NOL4L: variants seen among roughly 807,000 people sequenced by gnomAD.
NOL4L encodes the protein nucleolar protein 4 like.
NOL4L carries 7 observed loss-of-function variants against 64.5 expected under a neutral mutation model. The ratio of observed to expected loss-of-function variants is 0.11; its 90% confidence interval spans 0.06 to 0.20. The LOEUF is 0.20. Among genes scored for constraint, NOL4L ranks in the 10% least tolerant of loss-of-function variants. The pLI is 1.00. For missense variants in NOL4L, 680 were observed against 967.1 expected (o/e 0.70, Z 3.94); for synonymous variants, 413 against 401.0 (o/e 1.03, Z -0.36).
intron 5 of NOL4L, among the ~76,000 whole-genome samples, chr20:32,469,333 A>G (rs927881683): frequency 2.6e-5 from 4 of 151,116 alleles, no homozygotes; most frequent in Non-Finnish European, 5.9e-5. Flanking sequence ...ATTATTTTTC[A>G]TTTTCTTTTT....
chr20:32,467,958 G>T (rs946100747), intron 5 of NOL4L, among the ~76,000 whole-genome samples: 1 of 152,166 alleles, frequency 6.6e-6, no homozygotes, highest in African/African-American at 2.4e-5. Flanking sequence ...CCAGAGACCC[G>T]CCCTGCTGCC....
chr20:32,529,040 CA>C (rs2018248147), intron 1 of NOL4L, among the ~76,000 whole-genome samples: 1 of 152,240 alleles, frequency 6.6e-6, no homozygotes, highest in Non-Finnish European at 1.5e-5. Flanking sequence ...CCAGCACTTA[CA>C]ACAGTGCCTG....
At chr20:32,490,520 C>G (rs1395557907) in intron 4 of NOL4L, among the ~76,000 whole-genome samples, 1 of 152,140 alleles carries the variant, frequency 6.6e-6, no homozygotes, top group Non-Finnish European at 1.5e-5. Context: ...TGGGCTGGGC[C>G]ATAGCGCTGA....
intron 1 of NOL4L, among the ~76,000 whole-genome samples, chr20:32,546,391 C>T (rs549106126): frequency 2.6e-5 from 4 of 152,172 alleles, no homozygotes; most frequent in East Asian, 3.9e-4. Flanking sequence ...TCATGCACCA[C>T]GACGCCCAGC....
chr20:32,538,434 C>T (rs1483380606), intron 1 of NOL4L, among the ~76,000 whole-genome samples: 3 of 151,910 alleles, frequency 2.0e-5, no homozygotes, highest in African/African-American at 7.2e-5. Context: ...CCCACTGCCC[C>T]GGCCATGACC....
chr20:32,482,356 G>A (rs1038615737), intron 4 of NOL4L, among the ~76,000 whole-genome samples: 1 of 152,156 alleles, frequency 6.6e-6, no homozygotes, highest in Non-Finnish European at 1.5e-5. Flanking sequence ...ATGCTAATTA[G>A]CGAGGCTTAA....
At chr20:32,515,464 G>A (rs1333751546) in intron 3 of NOL4L, among the ~76,000 whole-genome samples, 6 of 152,158 alleles carry the variant, frequency 3.9e-5, no homozygotes, top group African/African-American at 7.2e-5. Context: ...AGGGTGAGGA[G>A]AAAAGCAGGC....
intron 1 of NOL4L, among the ~76,000 whole-genome samples, chr20:32,549,569 A>G (rs367609755): frequency 6.6e-6 from 1 of 152,162 alleles, no homozygotes; most frequent in East Asian, 1.9e-4. Context: ...CCTGGCCAAC[A>G]TGGTGAAACC....
intron 1 of NOL4L, among the ~76,000 whole-genome samples, chr20:32,552,451 C>A (rs1978362161): frequency 6.6e-6 from 1 of 152,144 alleles, no homozygotes; most frequent in Non-Finnish European, 1.5e-5. Flanking sequence ...CTTTGGGAGG[C>A]CAAGGCGGGC....
At chr20:32,450,308 C>T (rs2012758844) in intron 10 of NOL4L, 1 of 152,420 alleles carries the variant, frequency 6.6e-6, no homozygotes, top group Non-Finnish European at 1.5e-5. Flanking sequence ...CTGGGTGGCC[C>T]TGCAACCACG....
intron 4 of NOL4L, among the ~76,000 whole-genome samples, chr20:32,494,253 GAAAAAAAAAAAAA>G (rs566317193): frequency 2.3e-4 from 5 of 22,028 alleles, no homozygotes; most frequent in South Asian, 2.1e-3. Context: ...ATAATCTCGG[GAAAAAAAAAAAAA>G]AAAAAAAAAA....
At chr20:32,474,181 G>A (rs758646102) in intron 5 of NOL4L, among the ~76,000 whole-genome samples, 3 of 152,264 alleles carry the variant, frequency 2.0e-5, no homozygotes, top group African/African-American at 2.4e-5. Flanking sequence ...CTCACCAGGT[G>A]ACCTGGGCTA....
chr20:32,478,626 A>G (rs2015546032), intron 4 of NOL4L, among the ~76,000 whole-genome samples: 1 of 152,164 alleles, frequency 6.6e-6, no homozygotes, highest in African/African-American at 2.4e-5. Flanking sequence ...TTTTTGAAAG[A>G]CAGGATCTTA....
intron 4 of NOL4L, among the ~76,000 whole-genome samples, chr20:32,490,128 CAAA>C (rs747449024): frequency 1.9e-4 from 13 of 69,112 alleles, no homozygotes; most frequent in Non-Finnish European, 3.1e-4. Context: ...GACTCCATCT[CAAA>C]AAAAAAAAAA....
At chr20:32,450,236 G>A (rs890988254) in intron 10 of NOL4L, 3 of 152,272 alleles carry the variant, frequency 2.0e-5, no homozygotes, top group Non-Finnish European at 4.4e-5. Flanking sequence ...ACGGCTGCCC[G>A]GCTGAGGTAC....
chr20:32,456,059 T>C lies in NOL4L; in HGVS notation c.1119+59A>G, dbSNP rs2013470534. On this transcript the variant is annotated intron_variant, in intron 6 of 10. Transcript: ENST00000621426. ...AAGCTCTGGGCGTATACAATTTCAT[T>C]CTCGCCTCGCGACAGCCCTTTACAG... 3 of 1,440,702 alleles carry C rather than the reference T, an allele frequency of 2.1e-6. No individual in the cohort carries two copies. The Admixed American group carries it at 8.1e-5, about 39-fold the overall frequency. The allele number at this position is 1,440,702 out of a possible 1,614,324, so 89.2% of individuals were successfully genotyped here. A position where few individuals can be genotyped will look rare whatever the true frequency, so the allele number is the denominator to read the frequency against.
chr20:32,460,443 G>A lies in NOL4L; in HGVS notation c.842-4048C>T, dbSNP rs976562798. 6.6e-6 allele frequency among the ~76,000 whole-genome samples: 1 copy of A among 152,268 alleles called. No homozygotes were observed. The highest frequency in any genetic ancestry group is 1.9e-4 in the East Asian group (1 of 5,182). On this transcript the variant is annotated intron_variant, in intron 5 of 10. Transcript: ENST00000621426. The surrounding 1 kb of genome is among the most constrained non-coding windows in gnomAD (Gnocchi z 5.7). ...TGCCCCCGCGCCACATGCTCTGGGG[G>A]CTGCCTGCAACCTGAGGCCCATGTT... is the stretch of plus-strand genomic sequence containing the variant.
chr20:32,462,477 A>T lies in NOL4L; in HGVS notation c.842-6082T>A. Among the ~76,000 whole-genome samples the T allele has an allele frequency of 1.3e-5, 2 of 152,028 alleles. 1 individual carries two copies. The highest frequency in any genetic ancestry group is 3.9e-4 in the East Asian group (2 of 5,162). On this transcript the variant is annotated intron_variant, in intron 5 of 10. Coordinates refer to ENST00000621426, the MANE Select transcript of NOL4L (RefSeq NM_001256798.2). ...ATGCCCACAGAAGGGGCTGGCTGCAACCCTCACACCCACCCCTCACTGCAC... is the reference window on the plus strand; with the variant it reads ...ATGCCCACAGAAGGGGCTGGCTGCATCCCTCACACCCACCCCTCACTGCAC...
chr20:32,482,614 C>T (rs1366459756), intron 4 of NOL4L, among the ~76,000 whole-genome samples: 2 of 152,050 alleles, frequency 1.3e-5, no homozygotes, highest in Non-Finnish European at 2.9e-5. Flanking sequence ...GCCCCCGCCC[C>T]GCCGTGTCCC....
Sources: allele counts gnomAD v4.1 joint callset (sites outside exome capture counted in the v4.1 genomes callset), GRCh38; gene constraint gnomAD v4.1.1; non-coding constraint Gnocchi (gnomAD v3.1); transcripts MANE v1.5; gene names NCBI Gene and HGNC (gene_info 2026-07-23, HGNC 2026-07-21).